Variants in TMOD2 observed in about 807,000 individuals in gnomAD.
TMOD2 encodes tropomodulin-2.
A neutral mutation model predicts 39.9 loss-of-function variants in TMOD2; 22 were observed. The ratio of observed to expected loss-of-function variants is 0.55; its 90% CI spans 0.39 to 0.79. The LOEUF is 0.79. Ranked by LOEUF, TMOD2 falls within the 30% of genes least tolerant of loss-of-function variation. TMOD2 has a pLI of 0.00. For synonymous variants in TMOD2, 123 were observed against 146.1 expected, an observed-to-expected ratio of 0.84 and a Z score of 1.14; for missense variants, 386 against 413.3, an observed-to-expected ratio of 0.93 and a Z score of 0.57.
intron 1 of TMOD2, among the ~76,000 whole-genome samples, chr15:51,761,556 A>G (rs892240279): frequency 2.1e-5 from 3 of 141,010 alleles, no homozygotes; most frequent in African/African-American, 8.0e-5. Flanking sequence ...GTAAGACCTC[A>G]TCTCTGCAAA....
chr15:51,768,236 T>G, intron 2 of TMOD2, 26 bp from the exon 3 acceptor site: 3 of 1,613,838 alleles, frequency 1.9e-6, no homozygotes, highest in Middle Eastern at 1.7e-4. Context: ...ACATCTTCCT[T>G]CCTGCTCACA....
intron 7 of TMOD2, among the ~76,000 whole-genome samples, chr15:51,795,919 TTC>T (rs2056048624): frequency 8.3e-6 from 1 of 119,762 alleles, no homozygotes; most frequent in African/African-American, 3.2e-5. Flanking sequence ...ACCCGACTTT[TTC>T]TCTCTTTCTT....
chr15:51,798,384 G>T (rs376157226), intron 8 of TMOD2, 44 bp downstream of exon 8: 11 of 1,599,532 alleles, frequency 6.9e-6, no homozygotes, highest in Non-Finnish European at 9.4e-6. Context: ...CACAGGGTGT[G>T]CAGTGAGCGG....
intron 7 of TMOD2, among the ~76,000 whole-genome samples, chr15:51,793,426 A>G (rs1019002971): frequency 6.6e-6 from 1 of 152,250 alleles, no homozygotes; most frequent in Non-Finnish European, 1.5e-5. Context: ...CACATTTCAA[A>G]TCAGACTAAC....
chr15:51,765,838 G>C (rs550636838), intron 1 of TMOD2, among the ~76,000 whole-genome samples: 91 of 152,210 alleles, frequency 6.0e-4, no homozygotes, highest in Non-Finnish European at 1.2e-3. Flanking sequence ...GGGAGTTACT[G>C]GACAATGCTT....
chr15:51,769,909 G>A (rs752711903), intron 3 of TMOD2, among the ~76,000 whole-genome samples: 2 of 151,976 alleles, frequency 1.3e-5, no homozygotes, highest in Admixed American at 6.6e-5. Context: ...TGGTGCACCC[G>A]TGTTCCCAGT....
intron 2 of TMOD2, 36 bp downstream of exon 2, chr15:51,766,603 A>G: frequency 6.2e-7 from 1 of 1,603,346 alleles, no homozygotes; most frequent in Non-Finnish European, 8.5e-7. Flanking sequence ...GTGGTTAATG[A>G]TAGTATGGAT....
Position 51,798,350 on chromosome 15 carries a change from G to T in TMOD2, c.876+10G>T, listed in dbSNP as rs375681098. ...CAAGATTGACAACCAGGTAAGGAAGGCCAGAGAATAGGCAAAGTCAACTCA... is the reference window on the plus strand; with the variant it reads ...CAAGATTGACAACCAGGTAAGGAAGTCCAGAGAATAGGCAAAGTCAACTCA... On this transcript the variant is annotated intron_variant, in intron 8 of 9. Transcript: ENST00000249700. 1.7e-4 allele frequency: 269 copies of T among 1,612,862 alleles called. No homozygotes were observed. Among genetic ancestry groups the T allele is most frequent in the Non-Finnish European group, 2.2e-4 (261 of 1,179,708 alleles).
chr15:51,808,891 A>C lies in TMOD2; in HGVS notation c.*437A>C, dbSNP rs995441817. ...AGGCTAAATACATCAGAAGTGTTCT[A>C]CTGACCACATAAGAAGTTAGTATTG... On this transcript the variant is annotated 3_prime_UTR_variant, in exon 10 of 10. Coordinates refer to ENST00000249700, the MANE Select transcript of TMOD2 (RefSeq NM_014548.4). 11 of 154,152 alleles carry C rather than the reference A, an allele frequency of 7.1e-5. No homozygotes were observed. Among genetic ancestry groups the C allele is most frequent in the African/African-American group, 2.6e-4 (11 of 41,618 alleles). 9.5% of individuals were successfully genotyped at this position (154,152 alleles called of 1,614,324 possible). A position where few individuals can be genotyped will look rare whatever the true frequency, so the allele number is the denominator to read the frequency against.
chr15:51,795,627 T>TCC (rs2056046007), intron 7 of TMOD2, among the ~76,000 whole-genome samples: 1 of 141,596 alleles, frequency 7.1e-6, no homozygotes, highest in Non-Finnish European at 1.5e-5. Flanking sequence ...TCTTTCTTTC[T>TCC]TTCTTTCTTT....
chr15:51,767,214 C>T (rs146983356), intron 2 of TMOD2: 2,550 of 152,160 alleles, frequency 0.017, 90 homozygotes, highest in East Asian at 0.073. Flanking sequence ...TTAGTAGAGA[C>T]GGGGTTTCGC....
chr15:51,752,352 G>A (rs1462280975), intron 1 of TMOD2: 1 of 152,194 alleles, frequency 6.6e-6, no homozygotes, highest in African/African-American at 2.4e-5. Context: ...CGGAAATGAA[G>A]GTGGATTTTT....
chr15:51,773,512 A>T (rs1276879570), intron 3 of TMOD2, among the ~76,000 whole-genome samples, 200 bp from the exon 4 acceptor site: 1 of 152,146 alleles, frequency 6.6e-6, no homozygotes, highest in Non-Finnish European at 1.5e-5. Flanking sequence ...AGAATGCAGG[A>T]TTCCTCCTCC....
At chr15:51,804,874 T>G (rs1220198504) in intron 8 of TMOD2, among the ~76,000 whole-genome samples, 1 of 151,948 alleles carries the variant, frequency 6.6e-6, no homozygotes, top group Non-Finnish European at 1.5e-5. Context: ...CGCCTAGCCT[T>G]ATTTTTTAAA....
Position 51,781,160 on chromosome 15 carries a change from C to G in TMOD2, c.610C>G (p.Leu204Val). Residue 204 changes from leucine (L) to valine (V), a missense_variant, in exon 6 of 10, where the codon CTC (leucine) becomes GTC (valine). Transcript: ENST00000249700. ...ANDPSLQEVN[L>V]NNIKNIPIPT... ...TGATCCTAGCTTGCAAGAAGTCAACCTCAACAACATTAAGGTATTTCATTG... is the reference window on the plus strand; with the variant it reads ...TGATCCTAGCTTGCAAGAAGTCAACGTCAACAACATTAAGGTATTTCATTG... 1 of 1,608,032 alleles carries G rather than the reference C, an allele frequency of 6.2e-7. No individual in the cohort carries two copies. The highest frequency in any genetic ancestry group is 8.5e-7 in the Non-Finnish European group (1 of 1,178,540).
At chr15:51,793,503 T>A (rs562858) in intron 7 of TMOD2, among the ~76,000 whole-genome samples, 4,206 of 152,320 alleles carry the variant, frequency 0.028, 179 homozygotes, top group African/African-American at 0.096. Context: ...AAATTTGCAT[T>A]TCCATACAAT....
At chr15:51,785,153 C>T (rs2055959366) in intron 7 of TMOD2, among the ~76,000 whole-genome samples, 1 of 152,082 alleles carries the variant, frequency 6.6e-6, no homozygotes, top group Admixed American at 6.6e-5. Flanking sequence ...TGGCTCACGC[C>T]TGTAATCCCA....
In TMOD2 at chr15:51,816,348, T is replaced by C. The variant is rs2056188110; in HGVS notation, c.*7894T>C. Reference sequence around the variant, plus strand: ...AAGAACATTGGGAAATAATAAACTTTCCTTTCAAAGTAAAAGTAAAGACTG... The same window carrying C: ...AAGAACATTGGGAAATAATAAACTTCCCTTTCAAAGTAAAAGTAAAGACTG... On this transcript the variant is annotated 3_prime_UTR_variant, in exon 10 of 10. Transcript: ENST00000249700. The C allele has an allele frequency of 2.0e-5, 3 of 152,232 alleles. No individual in the cohort carries two copies. Among genetic ancestry groups the C allele is most frequent in the African/African-American group, 7.2e-5 (3 of 41,470 alleles). 9.4% of individuals were successfully genotyped at this position (152,232 alleles called of 1,614,324 possible).
chr15:51,763,944 G>A (rs768890255), intron 1 of TMOD2, among the ~76,000 whole-genome samples: 3 of 152,156 alleles, frequency 2.0e-5, no homozygotes, highest in Non-Finnish European at 4.4e-5. Flanking sequence ...TAAGGGCCTG[G>A]AAGATGCCAT....
Sources: allele counts gnomAD v4.1 joint callset (sites outside exome capture counted in the v4.1 genomes callset), GRCh38; gene constraint gnomAD v4.1.1; transcripts MANE v1.5; gene names NCBI Gene and HGNC (gene_info 2026-07-23, HGNC 2026-07-21).